The following MTHFD1 variants were observed in gnomAD, a reference collection of about 807,000 sequenced individuals.
MTHFD1 encodes methylenetetrahydrofolate dehydrogenase, cyclohydrolase and formyltetrahydrofolate synthetase 1, also known as C-1-tetrahydrofolate synthase, cytoplasmic.
Under a neutral mutation model 110.3 loss-of-function variants are expected in MTHFD1, and 44 were observed. The ratio of observed to expected loss-of-function variants is 0.40; its 90% CI spans 0.31 to 0.51. The LOEUF is 0.51. MTHFD1 is among the 20% of genes least tolerant of loss of function. MTHFD1 has a pLI of 0.60. For synonymous variants in MTHFD1, 402 were observed against 428.8 expected (o/e 0.94, Z 0.77); for missense variants, 909 against 1,173.1 (o/e 0.77, Z 3.29).
Position 64,426,152 on chromosome 14 carries a change from C to G in MTHFD1, c.1087C>G (p.Leu363Val). ...AGTTCTGCTGTCAGCACTAGAACGC[C>G]TGAAGCACCGGCCTGATGGGAAATA... is the stretch of plus-strand genomic sequence containing the variant. ...AKVLLSALER[L>V]KHRPDGKYVV... The change falls in exon 11 of 28, where the codon CTG becomes GTG. Residue 363 changes from leucine to valine, a missense_variant. By Grantham distance (32) the Leu-to-Val change is conservative. This residue lies in a region of MTHFD1 where 424 missense variants were observed against 510.4 expected (regional missense o/e 0.83). Coordinates refer to ENST00000652337, the MANE Select transcript of MTHFD1 (RefSeq NM_005956.4). 6.2e-7 allele frequency: 1 copy of G among 1,614,186 alleles called. No individual in the cohort carries two copies. The highest frequency in any genetic ancestry group is 8.5e-7 in the Non-Finnish European group (1 of 1,180,036).
At chr14:64,428,123 T>TTTTTTTTTTTTTTTTTTTTTC (rs1566565835) in intron 12 of MTHFD1, among the ~76,000 whole-genome samples, 1 of 146,654 alleles carries the variant, frequency 6.8e-6, no homozygotes, top group Non-Finnish European at 1.5e-5. Flanking sequence ...TTTTTTTTTT[T>TTTTTTTTTTTTTTTTTTTTTC]TTTTGAGACA....
intron 24 of MTHFD1, among the ~76,000 whole-genome samples, chr14:64,451,271 C>T (rs1043806829): frequency 6.6e-6 from 1 of 152,136 alleles, no homozygotes. Context: ...ATCCTCCTGC[C>T]TCAGCCTCCC....
intron 12 of MTHFD1, among the ~76,000 whole-genome samples, chr14:64,428,576 C>T (rs1270145206): frequency 7.3e-6 from 1 of 137,436 alleles, no homozygotes; most frequent in Non-Finnish European, 1.5e-5. Context: ...TTTTTGGAGA[C>T]ACAGTCTCGC....
At chr14:64,418,742 G>A (rs911135612) in intron 7 of MTHFD1, among the ~76,000 whole-genome samples, 14 of 150,180 alleles carry the variant, frequency 9.3e-5, no homozygotes, top group South Asian at 2.1e-4. Context: ...TTTTAGTAGA[G>A]ACAAGGTTTC....
At chr14:64,388,614 A>G in intron 1 of MTHFD1, 146 bp downstream of exon 1, 1 of 778,644 alleles carries the variant, frequency 1.3e-6, no homozygotes. Flanking sequence ...AGCCAAAGAA[A>G]GAGAACCCGG....
intron 2 of MTHFD1, among the ~76,000 whole-genome samples, chr14:64,401,319 T>C (rs1339654165): frequency 6.6e-6 from 1 of 152,152 alleles, no homozygotes; most frequent in African/African-American, 2.4e-5. Flanking sequence ...TGAGCCACTG[T>C]ACCTGGCCCC....
At chr14:64,392,390 A>C (rs541217949) in intron 1 of MTHFD1, among the ~76,000 whole-genome samples, 1 of 152,322 alleles carries the variant, frequency 6.6e-6, no homozygotes, top group South Asian at 2.1e-4. Context: ...TTGTTCTATA[A>C]GTGGGCCTTT....
rs1566564879 is a variant in MTHFD1 at position 64,426,036 on chromosome 14, GATCT to G, written c.972_975del (p.Ser325ValfsTer20). ...TTCCAAAGTGACATTGATATATCAC[GATCT>G]TGTAAACCGAAGCCCATTGGTAAGC... On this transcript the variant is annotated frameshift_variant, in exon 11 of 28. Coordinates refer to ENST00000652337, the MANE Select transcript of MTHFD1 (RefSeq NM_005956.4). LOFTEE classifies it high-confidence loss of function. The G allele has an allele frequency of 6.2e-7, 1 of 1,613,516 alleles. No individual in the cohort carries two copies. Among genetic ancestry groups the G allele is most frequent in the East Asian group, 2.2e-5 (1 of 44,892 alleles).
At chr14:64,447,045 G>A (rs1486617495) in intron 22 of MTHFD1, among the ~76,000 whole-genome samples, 1 of 151,638 alleles carries the variant, frequency 6.6e-6, no homozygotes, top group Non-Finnish European at 1.5e-5. Flanking sequence ...TCCCTATGTT[G>A]CCCAGGCAGG....
chr14:64,391,183 C>G (rs140473678), intron 1 of MTHFD1, among the ~76,000 whole-genome samples: 107 of 151,860 alleles, frequency 7.0e-4, no homozygotes, highest in Non-Finnish European at 1.2e-3. Flanking sequence ...TTTTATTTTT[C>G]AGACAAGGTC....
rs1566573107 is a variant in MTHFD1, at chr14:64,444,828, T to C, written c.2178+94T>C. ...GGCCCATGTGGAAATGAATGGGTTATTGCTGTGACCCAGGGTGCAGGGTGC... is the reference window on the plus strand; with the variant it reads ...GGCCCATGTGGAAATGAATGGGTTACTGCTGTGACCCAGGGTGCAGGGTGC... On this transcript the variant is annotated intron_variant, in intron 22 of 27. Transcript: ENST00000652337. 7 of 1,386,154 alleles carry C rather than the reference T, an allele frequency of 5.0e-6. No individual in the cohort carries two copies. The East Asian group carries it at 6.9e-5, about 14-fold the overall frequency. The allele number at this position is 1,386,154 out of a possible 1,614,324, so 85.9% of individuals were successfully genotyped here.
intron 13 of MTHFD1, 93 bp from the exon 14 acceptor site, chr14:64,431,439 G>T: frequency 9.3e-7 from 1 of 1,077,726 alleles, no homozygotes; most frequent in Non-Finnish European, 1.4e-6. Flanking sequence ...GTATTCCATT[G>T]GCTTTAAAAT....
intron 23 of MTHFD1, among the ~76,000 whole-genome samples, chr14:64,448,815 T>TG (rs1555339142): frequency 0.01 from 1,514 of 151,348 alleles, 23 homozygotes; most frequent in African/African-American, 0.033. Context: ...TTTTTTTTTT[T>TG]GGGGGACGAA....
intron 1 of MTHFD1, among the ~76,000 whole-genome samples, chr14:64,397,138 A>G (rs12892306): frequency 8.4e-5 from 1 of 11,944 alleles, no homozygotes. Context: ...AAAAAAAAAA[A>G]ATATATATAT....
At position 64,434,949 on chromosome 14, in the gene MTHFD1, C is replaced by CTTT. The variant is rs374039248; in HGVS notation, c.1495-596_1495-594dup. Among the ~76,000 whole-genome samples the CTTT allele has an allele frequency of 2.4e-3, 191 of 80,852 alleles. 26 individuals are homozygous for CTTT. The highest frequency in any genetic ancestry group is 4.9e-3 in the African/African-American group (114 of 23,082). The allele number at this position is 80,852 out of a possible 152,430, so 53.0% of individuals were successfully genotyped here. A position where few individuals can be genotyped will look rare whatever the true frequency, so the allele number is the denominator to read the frequency against. ...GACTACGTGAAGCTCTCCCTCTTTT[C>CTTT]TTTTTTTTTTTTTTTTTTTTTTTTT... On this transcript the variant is annotated intron_variant, in intron 15 of 27. Transcript: ENST00000652337.
Position 64,448,303 on chromosome 14 carries a change from C to T in MTHFD1, c.2265C>T (p.Ala755=), listed in dbSNP as rs748318282. The change falls in exon 23 of 28, where the codon GCC becomes GCT. Residue 755 remains alanine (A), a synonymous_variant. Transcript: ENST00000652337. ...ARMFGIPVVV[A]VNAFKTDTES... is the part of the protein sequence containing the mutation. ...TGTTTGGAATTCCAGTAGTAGTGGC[C>T]GTGAATGCATTCAAGTAAGTGTAGA... is the stretch of plus-strand genomic sequence containing the variant. 1.2e-5 allele frequency: 19 copies of T among 1,612,534 alleles called. No homozygotes were observed. Among genetic ancestry groups the T allele is most frequent in the African/African-American group, 1.3e-5 (1 of 74,990 alleles).
intron 21 of MTHFD1, among the ~76,000 whole-genome samples, chr14:64,443,681 A>G (rs2078265819): frequency 6.6e-6 from 1 of 152,172 alleles, no homozygotes; most frequent in Admixed American, 6.5e-5. Flanking sequence ...CCTTTCTGCT[A>G]GTAGCACAGG....
intron 22 of MTHFD1, 185 bp downstream of exon 22, chr14:64,444,919 A>C: frequency 3.1e-6 from 2 of 645,600 alleles, no homozygotes. Flanking sequence ...TACCTCACAA[A>C]ATAGAATTGT....
At chr14:64,453,263 G>C (rs2078405602) in intron 24 of MTHFD1, among the ~76,000 whole-genome samples, 1 of 151,890 alleles carries the variant, frequency 6.6e-6, no homozygotes. Context: ...TAAAATCTGA[G>C]GCTTGATATT....
Sources: allele counts gnomAD v4.1 joint callset (sites outside exome capture counted in the v4.1 genomes callset), GRCh38; gene constraint gnomAD v4.1.1; regional missense constraint gnomAD v4.1.1; transcripts MANE v1.5; gene names NCBI Gene and HGNC (gene_info 2026-07-23, HGNC 2026-07-21).